Variants in SESN2 observed in about 807,000 individuals in gnomAD.
SESN2 encodes the protein sestrin 2.
In SESN2, 42 loss-of-function variants were observed where a neutral mutation model predicts 56.0. The observed-to-expected ratio is 0.75, with a 90% CI of 0.59 to 0.97. SESN2 has a LOEUF of 0.97. SESN2 is among the 50% of genes least tolerant of loss of function. The pLI is 0.00. For missense variants in SESN2, 507 were observed against 649.4 expected, an observed-to-expected ratio of 0.78 and a Z score of 2.38; for synonymous variants, 264 against 267.1, an observed-to-expected ratio of 0.99 and a Z score of 0.11.
chr1:28,274,008 C>A, intron 6 of SESN2, 32 bp from the exon 7 acceptor site: 1 of 1,405,082 alleles, frequency 7.1e-7, no homozygotes, highest in Non-Finnish European at 1.0e-6. Flanking sequence ...CCCCATGCCT[C>A]AGCCTCACTG....
rs762500782 is a variant in SESN2, at chr1:28,273,460, A to T, written c.853A>T (p.Ser285Cys). 31 of 1,611,150 alleles carry T rather than the reference A, an allele frequency of 1.9e-5. No homozygotes were observed. The Admixed American group carries it at 5.2e-4, about 27-fold the overall frequency. The change falls in exon 6 of 10, where the codon AGC becomes TGC. Residue 285 changes from serine to cysteine, a missense_variant. By Grantham distance (112) the Ser-to-Cys change is moderately radical (BLOSUM62 -1). Transcript: ENST00000253063. ...GGGGACGTCCCAGGAGGAGATGGAG[A>T]GCCGCTTTGAGCTGGAGAAGTCAGA... ...DEGTSQEEME[S>C]RFELEKSESL... is the part of the protein sequence containing the mutation.
In SESN2 at chr1:28,266,214, C is replaced by T. The variant is rs1647555207; in HGVS notation, c.91-2969C>T. Among the ~76,000 whole-genome samples the T allele has an allele frequency of 2.0e-5, 3 of 152,090 alleles. No homozygotes were observed. In the South Asian group the frequency reaches 6.2e-4, roughly 32 times the overall value. On this transcript the variant is annotated intron_variant, in intron 1 of 9. Coordinates refer to ENST00000253063, the MANE Select transcript of SESN2 (RefSeq NM_031459.5). The stretch of plus-strand genomic sequence containing the variant: ...CTCACCCTGGCTGTTATGCTGGGGC[C>T]CCACCCCAGATAACTAAATTAGAAT...
In SESN2 at chr1:28,282,220, A is replaced by T. The variant is rs528042378; in HGVS notation, c.*1418A>T. 1.3e-5 allele frequency: 2 copies of T among 152,700 alleles called. No homozygotes were observed. The highest frequency in any genetic ancestry group is 4.8e-5 in the African/African-American group (2 of 41,556). 9.5% of individuals were successfully genotyped at this position (152,700 alleles called of 1,614,324 possible). The stretch of plus-strand genomic sequence containing the variant: ...GTGCTGCTGCTGGGCGGGGCAGGAG[A>T]GGAGCCTGGCCAGTGTGCCACATTA... On this transcript the variant is annotated 3_prime_UTR_variant, in exon 10 of 10. Transcript: ENST00000253063.
At chr1:28,265,804 G>A (rs1647543554) in intron 1 of SESN2, among the ~76,000 whole-genome samples, 1 of 151,814 alleles carries the variant, frequency 6.6e-6, no homozygotes, top group Non-Finnish European at 1.5e-5. Context: ...GGGGTTACAG[G>A]TGTGAACCAC....
At chr1:28,260,468 C>T (rs919711299) in intron 1 of SESN2, among the ~76,000 whole-genome samples, 2 of 152,152 alleles carry the variant, frequency 1.3e-5, no homozygotes, top group African/African-American at 4.8e-5. Context: ...AAGTCGACCT[C>T]ATCCTATGTC....
chr1:28,259,588 C>T lies in SESN2; in HGVS notation c.-260C>T, dbSNP rs1647297719. The stretch of plus-strand genomic sequence containing the variant: ...AGCAGCCCTGGCCCCTGCGGACTTC[C>T]GAGGCCGTGAAAACCCCTGCGCTGC... On this transcript the variant is annotated 5_prime_UTR_variant, in exon 1 of 10. Transcript: ENST00000253063. 1 of 393,902 alleles carries T rather than the reference C, an allele frequency of 2.5e-6. No individual in the cohort carries two copies. The highest frequency in any genetic ancestry group is 3.9e-5 in the East Asian group (1 of 25,796). The allele number at this position is 393,902 out of a possible 1,614,324, so 24.4% of individuals were successfully genotyped here. A position where few individuals can be genotyped will look rare whatever the true frequency, so the allele number is the denominator to read the frequency against.
Position 28,272,273 on chromosome 1 carries a change from T to G in SESN2, c.355-11T>G. 6.2e-7 allele frequency: 1 copy of G among 1,613,110 alleles called. No individual in the cohort carries two copies. The highest frequency in any genetic ancestry group is 8.5e-7 in the Non-Finnish European group (1 of 1,179,524). On this transcript the variant is annotated splice_polypyrimidine_tract_variant and intron_variant, in intron 3 of 9. Transcript: ENST00000253063. Reference sequence around the variant, plus strand: ...GGAGGGTGACTCAGGCTGTGTCCACTACCTCCGCAGGCTGCCGCCCGCCAT... The same window carrying G: ...GGAGGGTGACTCAGGCTGTGTCCACGACCTCCGCAGGCTGCCGCCCGCCAT...
Position 28,271,847 on chromosome 1 carries a change from C to T in SESN2, c.330C>T (p.Ser110=). The change falls in exon 3 of 10, where the codon TCC becomes TCT. Residue 110 remains serine (S), a synonymous_variant. Transcript: ENST00000253063. ...ACACGGATGGTCCCTTGGCCAGCTC[C>T]TGGCGCCACTACATTGCCATCATGG... ...LLHTDGPLAS[S]WRHYIAIMAA... 1 of 1,614,214 alleles carries T rather than the reference C, an allele frequency of 6.2e-7. No individual in the cohort carries two copies. The highest frequency in any genetic ancestry group is 1.1e-5 in the South Asian group (1 of 91,082).
At chr1:28,275,625 A>AT (rs1648007221) in intron 8 of SESN2, among the ~76,000 whole-genome samples, 2 of 151,974 alleles carry the variant, frequency 1.3e-5, no homozygotes, top group Non-Finnish European at 2.9e-5. Flanking sequence ...GGTGGTAGAC[A>AT]TTTGTAATCC....
At chr1:28,279,369 T>A (rs1225639453) in intron 9 of SESN2, 128 bp downstream of exon 9, 1 of 869,816 alleles carries the variant, frequency 1.1e-6, no homozygotes, top group Non-Finnish European at 1.7e-6. Flanking sequence ...CTGGGCCTAT[T>A]CCTCTGGATT....
At position 28,272,742 on chromosome 1, in the gene SESN2, C is replaced by T; in HGVS notation, c.699C>T (p.Pro233=). 6.2e-7 allele frequency: 1 copy of T among 1,612,212 alleles called. No individual in the cohort carries two copies. Among genetic ancestry groups the T allele is most frequent in the Non-Finnish European group, 8.5e-7 (1 of 1,178,416 alleles). Reference sequence around the variant, plus strand: ...GCCCTGCCCCCCAGGCACCTACACCCCCTAGTGAACAGAGCAGCCCCCCAA... The same window carrying T: ...GCCCTGCCCCCCAGGCACCTACACCTCCTAGTGAACAGAGCAGCCCCCCAA... The part of the protein sequence containing the change: ...DGSPAPQAPT[P]PSEQSSPPSR... Residue 233 remains proline (P), a synonymous_variant, in exon 5 of 10, where the codon CCC becomes CCT. Transcript: ENST00000253063.
rs548203640 is a variant in SESN2, at chr1:28,274,279, C to T, written c.1020+121C>T. 5.6e-6 allele frequency: 4 copies of T among 708,948 alleles called. No homozygotes were observed. The Admixed American group carries it at 6.5e-5, about 11-fold the overall frequency. The allele number at this position is 708,948 out of a possible 1,614,324, so 43.9% of individuals were successfully genotyped here. On this transcript the variant is annotated intron_variant, in intron 7 of 9. Coordinates refer to ENST00000253063, the MANE Select transcript of SESN2 (RefSeq NM_031459.5). The stretch of plus-strand genomic sequence containing the variant: ...GGGCATGGTAGCTCACACCTGTAAT[C>T]CCAGCACTTTGGGAAGCCAAGGTGG...
At chr1:28,262,060 C>G (rs980660000) in intron 1 of SESN2, among the ~76,000 whole-genome samples, 5 of 152,156 alleles carry the variant, frequency 3.3e-5, no homozygotes, top group Non-Finnish European at 7.4e-5. Flanking sequence ...AGATTACCGG[C>G]ATGAGCCACC....
At chr1:28,274,213 G>T in intron 7 of SESN2, 55 bp downstream of exon 7, 1 of 1,161,304 alleles carries the variant, frequency 8.6e-7, no homozygotes, top group South Asian at 1.2e-5. Context: ...AACAAGCAGT[G>T]GGTGGATAGT....
At chr1:28,269,277 G>T in intron 2 of SESN2, 29 bp downstream of exon 2, 1 of 1,553,858 alleles carries the variant, frequency 6.4e-7, no homozygotes, top group Non-Finnish European at 8.8e-7. Flanking sequence ...AGGGATCTTT[G>T]GTCCCTGGGA....
At chr1:28,272,877 C>A in intron 5 of SESN2, 84 bp downstream of exon 5, 1 of 708,198 alleles carries the variant, frequency 1.4e-6, no homozygotes. Flanking sequence ...TTCCCAATCT[C>A]GTATCTGCAC....
At chr1:28,269,483 T>G (rs1325544617) in intron 2 of SESN2, among the ~76,000 whole-genome samples, 7 of 145,784 alleles carry the variant, frequency 4.8e-5, no homozygotes, top group African/African-American at 1.2e-4. Context: ...GTGGCCAAAC[T>G]TTTTTTTTTT....
In SESN2 at chr1:28,281,203, A is replaced by C; in HGVS notation, c.*401A>C. ...AGGGGCAAATGCCTCCGGGACTGAC[A>C]CTCCAGGCAGCTTTGCCTTCTCTCC... On this transcript the variant is annotated 3_prime_UTR_variant, in exon 10 of 10. Transcript: ENST00000253063. The C allele has an allele frequency of 5.9e-6, 1 of 170,138 alleles. No individual in the cohort carries two copies. The allele number at this position is 170,138 out of a possible 1,614,324, so 10.5% of individuals were successfully genotyped here.
rs559986611 is a variant in SESN2, at chr1:28,268,735, A to AAAGG, written c.91-433_91-430dup. On this transcript the variant is annotated intron_variant, in intron 1 of 9. Coordinates refer to ENST00000253063, the MANE Select transcript of SESN2 (RefSeq NM_031459.5). Reference sequence around the variant, plus strand: ...AGGAAGAAGGAGGAGGAGGAGGAAGAAAGGAAGGAAGGAAGGAACGAACGA... The same window carrying AAAGG: ...AGGAAGAAGGAGGAGGAGGAGGAAGAAAGGAAGGAAGGAAGGAAGGAACGAACGA... Among the ~76,000 whole-genome samples the AAAGG allele has an allele frequency of 1.2e-4, 18 of 151,652 alleles. No homozygotes were observed. The South Asian group carries it at 2.7e-3, about 23-fold the overall frequency.
Sources: allele counts gnomAD v4.1 joint callset (sites outside exome capture counted in the v4.1 genomes callset), GRCh38; gene constraint gnomAD v4.1.1; transcripts MANE v1.5; gene names NCBI Gene and HGNC (gene_info 2026-07-23, HGNC 2026-07-21).